Variants in SPTB observed in about 807,000 individuals in gnomAD.
SPTB encodes the protein spectrin beta, erythrocytic, also known as spectrin beta chain, erythrocytic.
In SPTB, 45 loss-of-function variants were observed where a neutral mutation model predicts 256.2. The observed-to-expected ratio is 0.18, with a 90% confidence interval of 0.14 to 0.23. SPTB has a LOEUF of 0.23. SPTB is among the 10% of genes least tolerant of loss of function. The pLI, the probability that SPTB is intolerant of heterozygous loss-of-function variation, is 1.00. For missense variants in SPTB, 2,715 were observed against 3,040.4 expected (o/e 0.89, Z 2.52); for synonymous variants, 1,231 against 1,243.1 (o/e 0.99, Z 0.21).
chr14:64,810,499 A>G (rs1329807002), intron 2 of SPTB, among the ~76,000 whole-genome samples: 1 of 152,104 alleles, frequency 6.6e-6, no homozygotes, highest in Non-Finnish European at 1.5e-5. Flanking sequence ...GGCCAATATG[A>G]TGAAACGCCG....
intron 32 of SPTB, among the ~76,000 whole-genome samples, chr14:64,765,056 G>A (rs1224273384): frequency 2.1e-4 from 32 of 149,592 alleles, no homozygotes; most frequent in Admixed American, 1.3e-3. Context: ...GCGCGCGCGC[G>A]GGTGGTGGAT....
chr14:64,831,591 G>C (rs963675115), intron 1 of SPTB, among the ~76,000 whole-genome samples: 1 of 152,242 alleles, frequency 6.6e-6, no homozygotes, highest in Admixed American at 6.5e-5. Context: ...ACTGGTGGGA[G>C]TGTGGACTGG....
At chr14:64,810,551 G>A (rs139645512) in intron 2 of SPTB, among the ~76,000 whole-genome samples, 1,806 of 152,128 alleles carry the variant, frequency 0.012, 46 homozygotes, top group African/African-American at 0.042. Flanking sequence ...ATGGTGTTGC[G>A]CGCCTGTAAT....
intron 14 of SPTB, 80 bp from the exon 15 acceptor site, chr14:64,791,936 G>C: frequency 1.3e-6 from 2 of 1,581,434 alleles, no homozygotes; most frequent in South Asian, 1.1e-5. Flanking sequence ...CCAGTCTCCA[G>C]AACATGTAGC....
chr14:64,768,464 T>C (rs2082225104), intron 29 of SPTB, among the ~76,000 whole-genome samples: 1 of 147,006 alleles, frequency 6.8e-6, no homozygotes. Flanking sequence ...CCCTTGGCTG[T>C]CTCACATGAT....
intron 2 of SPTB, among the ~76,000 whole-genome samples, chr14:64,822,659 A>G (rs1387143999): frequency 6.6e-6 from 1 of 151,890 alleles, no homozygotes; most frequent in African/African-American, 2.4e-5. Context: ...CTTTGCCCAG[A>G]CTCTCGTACT....
At chr14:64,805,564 T>C (rs1432300265) in intron 2 of SPTB, among the ~76,000 whole-genome samples, 1 of 152,188 alleles carries the variant, frequency 6.6e-6, no homozygotes, top group Non-Finnish European at 1.5e-5. Flanking sequence ...TCTCCCTTCA[T>C]GTGCCCTGCT....
intron 1 of SPTB, among the ~76,000 whole-genome samples, chr14:64,855,998 G>A (rs424222): frequency 0.94 from 142,859 of 152,334 alleles, 67,605 homozygotes; most frequent in Non-Finnish European, 0.98. Flanking sequence ...GCTCCGGCCC[G>A]AGGAGTGAGG....
In SPTB at chr14:64,749,801, C is replaced by T. The variant is rs1227634862; in HGVS notation, c.6777-105G>A. 1.3e-6 allele frequency: 2 copies of T among 1,516,378 alleles called. No individual in the cohort carries two copies. Among genetic ancestry groups the T allele is most frequent in the Non-Finnish European group, 1.8e-6 (2 of 1,106,518 alleles). 93.9% of individuals were successfully genotyped at this position (1,516,378 alleles called of 1,614,324 possible). On this transcript the variant is annotated intron_variant, in intron 34 of 35. Coordinates refer to ENST00000644917, the MANE Select transcript of SPTB (RefSeq NM_001355436.2). The surrounding 1 kb of genome is among the most constrained non-coding windows in gnomAD (Gnocchi z 4.7). ...TACCCTGAGCCGAACATCCAGACCCCTCTCAGGCAGCCCAGCACTTTCTGA... is the reference window on the plus strand; with the variant it reads ...TACCCTGAGCCGAACATCCAGACCCTTCTCAGGCAGCCCAGCACTTTCTGA...
At chr14:64,798,776 TCC>T (rs2082824104) in intron 9 of SPTB, among the ~76,000 whole-genome samples, 4 of 152,238 alleles carry the variant, frequency 2.6e-5, no homozygotes, top group Non-Finnish European at 5.9e-5. Context: ...TTATAGTATA[TCC>T]TAGACTCAGC....
rs2082206213 is a variant in SPTB at position 64,767,559 on chromosome 14, C to T, written c.6219+104G>A. On this transcript the variant is annotated intron_variant, in intron 30 of 35. Coordinates refer to ENST00000644917, the MANE Select transcript of SPTB (RefSeq NM_001355436.2). ...CATTGTCGCTGCTGGCCAAGCCTGT[C>T]ACACCATTCTAAGTACCTAACAACT... 2.7e-6 allele frequency: 4 copies of T among 1,496,608 alleles called. No individual in the cohort carries two copies. The Admixed American group carries it at 5.0e-5, about 19-fold the overall frequency. 92.7% of individuals were successfully genotyped at this position (1,496,608 alleles called of 1,614,324 possible). A position where few individuals can be genotyped will look rare whatever the true frequency, so the allele number is the denominator to read the frequency against.
chr14:64,773,258 A>G lies in SPTB; in HGVS notation c.5140T>C (p.Ser1714Pro). Residue 1714 changes from serine to proline, a missense_variant, in exon 25 of 36, where the codon TCT (serine) becomes CCT (proline). Around this residue, in one of 4 missense-constraint regions of SPTB, gnomAD observed 2,239 missense variants for 2,384.4 expected, o/e 0.94. Transcript: ENST00000644917. ...QWISEKELVASSPEMGQDFDH... is the reference protein window; with the variant it reads ...QWISEKELVAPSPEMGQDFDH... ...AAGTCTTGCCCCATTTCCGGGGAAGAGGCCACTAGCTCCTTTTCTGAAATC... is the reference window on the plus strand; with the variant it reads ...AAGTCTTGCCCCATTTCCGGGGAAGGGGCCACTAGCTCCTTTTCTGAAATC... 1 of 1,614,244 alleles carries G rather than the reference A, an allele frequency of 6.2e-7. No individual in the cohort carries two copies. The highest frequency in any genetic ancestry group is 8.5e-7 in the Non-Finnish European group (1 of 1,180,042).
At chr14:64,773,471 C>T (rs373906433) in intron 24 of SPTB, 47 bp from the exon 25 acceptor site, 78 of 1,602,862 alleles carry the variant, frequency 4.9e-5, no homozygotes, top group Non-Finnish European at 6.1e-5. Flanking sequence ...AGCCACGAAC[C>T]CAGAGCCGTG....
At position 64,795,912 on chromosome 14, in the gene SPTB, T is replaced by C. The variant is rs2082760378; in HGVS notation, c.1342-273A>G. Among the ~76,000 whole-genome samples, 1 of 152,168 alleles carries C rather than the reference T, an allele frequency of 6.6e-6. No homozygotes were observed. Among genetic ancestry groups the C allele is most frequent in the Non-Finnish European group, 1.5e-5 (1 of 68,016 alleles). On this transcript the variant is annotated intron_variant, in intron 11 of 35. Coordinates refer to ENST00000644917, the MANE Select transcript of SPTB (RefSeq NM_001355436.2). The surrounding 1 kb of genome is among the most constrained non-coding windows in gnomAD (Gnocchi z 6.5). ...GCCTGCGTGTTACTAATGGAGCCCC[T>C]TGGCAGCCTGCTGGCACTCCCCACA...
At chr14:64,768,501 T>C (rs971360641) in intron 29 of SPTB, among the ~76,000 whole-genome samples, 15 of 152,226 alleles carry the variant, frequency 9.9e-5, no homozygotes, top group Non-Finnish European at 5.9e-5. Flanking sequence ...GGGGCACCAG[T>C]TGGCCCTTCT....
chr14:64,820,032 G>GT (rs1212130223), intron 2 of SPTB, among the ~76,000 whole-genome samples: 2 of 152,288 alleles, frequency 1.3e-5, no homozygotes, highest in East Asian at 3.9e-4. Flanking sequence ...CTTGTGACAT[G>GT]TTCCTCCTCA....
Position 64,773,351 on chromosome 14 carries a change from T to TGCGCTC in SPTB, c.5041_5046dup (p.Glu1681_Arg1682dup). On this transcript the variant is annotated inframe_insertion, in exon 25 of 36. Coordinates refer to ENST00000644917, the MANE Select transcript of SPTB (RefSeq NM_001355436.2). The stretch of plus-strand genomic sequence containing the variant: ...TGGTACATGTTCTCCAGCTTGCGCT[T>TGCGCTC]GCGCTCTTCCGCCACGTCCTTCAGC... 1 of 1,614,136 alleles carries TGCGCTC rather than the reference T, an allele frequency of 6.2e-7. No individual in the cohort carries two copies. Among genetic ancestry groups the TGCGCTC allele is most frequent in the Non-Finnish European group, 8.5e-7 (1 of 1,180,018 alleles).
chr14:64,876,098 G>C (rs1010081566), intron 1 of SPTB, among the ~76,000 whole-genome samples: 13 of 152,052 alleles, frequency 8.5e-5, no homozygotes, highest in Admixed American at 6.5e-4. Context: ...CGAAGTAACT[G>C]GGATTATAGG....
chr14:64,835,969 C>T (rs545649546), intron 1 of SPTB, among the ~76,000 whole-genome samples: 2 of 152,280 alleles, frequency 1.3e-5, no homozygotes, highest in Middle Eastern at 3.4e-3. Flanking sequence ...GGGAACATCC[C>T]GTGCTACTGT....
Sources: gnomAD v4.1 joint callset for allele counts (sites outside exome capture counted in the v4.1 genomes callset) on GRCh38, gnomAD v4.1.1 for gene constraint, gnomAD v4.1.1 regional missense constraint, Gnocchi (gnomAD v3.1) non-coding constraint, MANE v1.5 for transcripts, NCBI Gene and HGNC (gene_info 2026-07-23, HGNC 2026-07-21) for gene names.